The following C8orf76 variants were observed in gnomAD, a reference collection of about 807,000 sequenced individuals.
The protein encoded by C8orf76 is uncharacterized protein C8orf76.
Under a neutral mutation model 38.1 loss-of-function variants are expected in C8orf76, and 46 were observed. That is an observed-to-expected ratio of 1.21 (90% confidence interval 0.95 to 1.54). C8orf76 has a LOEUF of 1.54. Among genes scored for constraint, C8orf76 ranks in the 40% most tolerant of loss-of-function variants. The pLI is 0.00. For synonymous variants in C8orf76, 166 were observed against 167.5 expected (o/e 0.99, Z 0.07); for missense variants, 461 against 441.6 (o/e 1.04, Z -0.39).
chr8:123,237,927 C>A lies in C8orf76; in HGVS notation c.228G>T (p.Glu76Asp), dbSNP rs1417156641. ...ACAATTTTTCAGAGATACTGGAATA[C>A]TCCTGCAGTGCTTTCTGGAAATTAT... Reference protein sequence around the residue: ...RRQEYQKALQEYSSISEKLSS... With the variant: ...RRQEYQKALQDYSSISEKLSS... Residue 76 changes from glutamate to aspartate, a missense_variant, in exon 3 of 6, where the codon GAG (glutamate) becomes GAT (aspartate). Glu to Asp is a conservative substitution (Grantham distance 45). Coordinates refer to ENST00000276704, the MANE Select transcript of C8orf76 (RefSeq NM_032847.3). The A allele has an allele frequency of 6.2e-7, 1 of 1,609,780 alleles. No homozygotes were observed.
rs373385614 is a variant in C8orf76, at chr8:123,237,789, A to C, written c.357+9T>G. 43 of 1,608,000 alleles carry C rather than the reference A, an allele frequency of 2.7e-5. No homozygotes were observed. The highest frequency in any genetic ancestry group is 3.4e-5 in the Non-Finnish European group (40 of 1,178,136). ...AATGTGTGTGAAAATAAGCAATAAA[A>C]TCACTCACCAAGTTTGCAGCAATCT... On this transcript the variant is annotated intron_variant, in intron 3 of 5. Transcript: ENST00000276704.
chr8:123,231,947 C>T (rs913786312), intron 3 of C8orf76, among the ~76,000 whole-genome samples, 190 bp from the exon 4 acceptor site: 21 of 152,244 alleles, frequency 1.4e-4, no homozygotes, highest in African/African-American at 4.8e-4. Flanking sequence ...TATATGCTAC[C>T]TAGAGAAAGA....
intron 5 of C8orf76, among the ~76,000 whole-genome samples, chr8:123,222,021 C>G (rs1481684260): frequency 6.6e-6 from 1 of 152,192 alleles, no homozygotes; most frequent in Admixed American, 6.5e-5. Context: ...CAGAGTCTCA[C>G]TCTGTCGCCC....
intron 3 of C8orf76, chr8:123,237,054 G>T (rs1398781714): frequency 1.5e-6 from 2 of 1,301,068 alleles, no homozygotes; most frequent in South Asian, 1.2e-5. Context: ...CTGCGCCTGC[G>T]AGGTGGCATT....
rs1824865597 is a variant in C8orf76, at chr8:123,220,283, A to G, written c.963T>C (p.Asp321=). 1 of 1,600,104 alleles carries G rather than the reference A, an allele frequency of 6.2e-7. No homozygotes were observed. Among genetic ancestry groups the G allele is most frequent in the Non-Finnish European group, 8.5e-7 (1 of 1,174,858 alleles). The part of the protein sequence containing the change: ...LLLIAEVMGE[D]IPEKIKDEVH... ...CTTCATCTTTTATTTTTTCTGGGAT[A>G]TCTTCTCCCATAACCTATAACAGGA... Residue 321 remains aspartate (D), a synonymous_variant, in exon 6 of 6, where the codon GAT becomes GAC. Transcript: ENST00000276704.
At chr8:123,235,964 A>G (rs1396474862) in intron 3 of C8orf76, among the ~76,000 whole-genome samples, 1 of 152,220 alleles carries the variant, frequency 6.6e-6, no homozygotes, top group Non-Finnish European at 1.5e-5. Context: ...AATGAACACA[A>G]TGAAATCCCA....
chr8:123,221,432 C>CA (rs1035582283), intron 5 of C8orf76, among the ~76,000 whole-genome samples: 82 of 151,956 alleles, frequency 5.4e-4, no homozygotes, highest in African/African-American at 1.9e-3. Context: ...CCCGTCCCTA[C>CA]AAAAAAAAGT....
At chr8:123,233,727 T>C (rs1308399229) in intron 3 of C8orf76, among the ~76,000 whole-genome samples, 2 of 151,890 alleles carry the variant, frequency 1.3e-5, no homozygotes, top group African/African-American at 2.4e-5. Context: ...AAACTCCTTC[T>C]GGAAATTAAA....
chr8:123,241,361 G>T lies in C8orf76; in HGVS notation c.-15C>A, dbSNP rs774736327. ...CCGGAATCCATCTCGCGCCCGCGGC[G>T]GGGGCAACGAGGAAGCGGGGCCCGC... On this transcript the variant is annotated 5_prime_UTR_variant, in exon 1 of 6. Coordinates refer to ENST00000276704, the MANE Select transcript of C8orf76 (RefSeq NM_032847.3). 16 of 1,545,748 alleles carry T rather than the reference G, an allele frequency of 1.0e-5. No individual in the cohort carries two copies. Among genetic ancestry groups the T allele is most frequent in the South Asian group, 7.2e-5 (6 of 83,480 alleles).
intron 5 of C8orf76, among the ~76,000 whole-genome samples, chr8:123,222,530 C>T (rs952194907): frequency 1.8e-4 from 27 of 152,266 alleles, no homozygotes; most frequent in African/African-American, 6.5e-4. Context: ...ACATTTTAAA[C>T]TTCCATATGC....
At chr8:123,237,973 A>T (rs748558825) in intron 2 of C8orf76, 32 bp from the exon 3 acceptor site, 1 of 1,599,416 alleles carries the variant, frequency 6.3e-7, no homozygotes, top group Non-Finnish European at 8.5e-7. Context: ...AAGAAATGAA[A>T]GGAGGAAAAC....
chr8:123,239,246 G>T (rs1825598403), intron 1 of C8orf76, 102 bp from the exon 2 acceptor site: 2 of 1,295,742 alleles, frequency 1.5e-6, no homozygotes, highest in South Asian at 1.3e-5. Context: ...GTCAAAAAAA[G>T]ACTTCTTCAA....
Position 123,239,056 on chromosome 8 carries a change from T to C in C8orf76, c.206A>G (p.Glu69Gly), listed in dbSNP as rs763989001. ...CCATATGTTGAATTCTACCTGATAC[T>C]CTTGTCGTCTGTAGGCCAGGTCTCC... The part of the protein sequence containing the change: ...FKGDLAYRRQ[E>G]YQKALQEYSS... The change falls in exon 2 of 6, where the codon GAG (glutamate) becomes GGG (glycine). Residue 69 changes from glutamate (E) to glycine (G), a missense_variant. Physicochemically the swap from Glu to Gly is moderately conservative, Grantham distance 98. Coordinates refer to ENST00000276704, the MANE Select transcript of C8orf76 (RefSeq NM_032847.3). The C allele has an allele frequency of 1.3e-5, 21 of 1,613,972 alleles. No homozygotes were observed. Among genetic ancestry groups the C allele is most frequent in the African/African-American group, 2.7e-5 (2 of 74,920 alleles).
At chr8:123,236,993 C>G (rs545518164) in intron 3 of C8orf76, 2 of 1,543,968 alleles carry the variant, frequency 1.3e-6, no homozygotes, top group African/African-American at 1.4e-5. Context: ...GGAGGATGGC[C>G]GCACTCTCTC....
intron 3 of C8orf76, among the ~76,000 whole-genome samples, chr8:123,236,262 T>G (rs1344281389): frequency 6.6e-6 from 1 of 152,160 alleles, no homozygotes; most frequent in Non-Finnish European, 1.5e-5. Context: ...GGGCGGTACA[T>G]CCACAAAGCT....
chr8:123,224,966 G>A (rs776740724), intron 5 of C8orf76, among the ~76,000 whole-genome samples: 1 of 152,148 alleles, frequency 6.6e-6, no homozygotes, highest in Non-Finnish European at 1.5e-5. Context: ...CCTGGAGGAT[G>A]TGGAACTTGG....
chr8:123,236,685 G>A (rs1377813351), intron 3 of C8orf76, among the ~76,000 whole-genome samples: 1 of 151,728 alleles, frequency 6.6e-6, no homozygotes, highest in Non-Finnish European at 1.5e-5. Flanking sequence ...TCAGGAGGCT[G>A]AGGCAGGAGA....
At chr8:123,235,678 T>A (rs1825443528) in intron 3 of C8orf76, among the ~76,000 whole-genome samples, 1 of 152,166 alleles carries the variant, frequency 6.6e-6, no homozygotes, top group South Asian at 2.1e-4. Context: ...TCCTGCCTAG[T>A]AACCATCCCC....
intron 3 of C8orf76, chr8:123,237,038 C>T (rs1825518966): frequency 4.3e-6 from 6 of 1,391,026 alleles, no homozygotes; most frequent in Non-Finnish European, 6.1e-6. Flanking sequence ...CACCCTGCAC[C>T]TGGTGCTGCG....
Sources: allele counts gnomAD v4.1 joint callset (sites outside exome capture counted in the v4.1 genomes callset), GRCh38; gene constraint gnomAD v4.1.1; transcripts MANE v1.5; gene names NCBI Gene and HGNC (gene_info 2026-07-23, HGNC 2026-07-21).